Variants in JAKMIP2 observed in about 807,000 individuals in gnomAD.
The protein encoded by JAKMIP2 is janus kinase and microtubule interacting protein 2.
A neutral mutation model predicts 115.0 loss-of-function variants in JAKMIP2; 25 were observed. The ratio of observed to expected loss-of-function variants is 0.22; its 90% CI spans 0.16 to 0.30. The LOEUF (loss-of-function observed/expected upper bound fraction) is 0.30, where lower values mean the gene tolerates loss of function less well. Among genes scored for constraint, JAKMIP2 ranks in the 10% least tolerant of loss-of-function variants. The pLI, the probability that JAKMIP2 is intolerant of heterozygous loss-of-function variation, is 1.00. For missense variants in JAKMIP2, 642 were observed against 957.6 expected (o/e 0.67, Z 4.35); for synonymous variants, 334 against 343.6 (o/e 0.97, Z 0.31).
intron 2 of JAKMIP2, among the ~76,000 whole-genome samples, chr5:147,667,208 A>G (rs1759347157): frequency 6.6e-6 from 1 of 152,140 alleles, no homozygotes; most frequent in Admixed American, 6.5e-5. Context: ...AGCACTCGGT[A>G]GGGCTTTGAA....
intron 1 of JAKMIP2, among the ~76,000 whole-genome samples, chr5:147,741,043 A>G (rs2126994672): frequency 6.6e-6 from 1 of 152,300 alleles, no homozygotes; most frequent in South Asian, 2.1e-4. Flanking sequence ...GAAGCCGATC[A>G]GTACAGAGAT....
intron 1 of JAKMIP2, among the ~76,000 whole-genome samples, chr5:147,774,684 G>A (rs1027767524): frequency 1.3e-5 from 2 of 152,078 alleles, no homozygotes; most frequent in African/African-American, 2.4e-5. Flanking sequence ...TGATGACTAC[G>A]GAGTAAGAGC....
intron 1 of JAKMIP2, among the ~76,000 whole-genome samples, chr5:147,735,153 G>C (rs1268981386): frequency 2.0e-5 from 3 of 152,044 alleles, no homozygotes; most frequent in Non-Finnish European, 4.4e-5. Flanking sequence ...TTGAGTGTTA[G>C]CTTTACCAAC....
chr5:147,605,464 C>T (rs1755957428), intron 20 of JAKMIP2, among the ~76,000 whole-genome samples: 1 of 152,102 alleles, frequency 6.6e-6, no homozygotes, highest in East Asian at 1.9e-4. Flanking sequence ...CCACCTCGGC[C>T]TCCCAAAGTG....
intron 1 of JAKMIP2, among the ~76,000 whole-genome samples, chr5:147,762,823 A>C (rs921770186): frequency 6.6e-6 from 1 of 152,072 alleles, no homozygotes; most frequent in Non-Finnish European, 1.5e-5. Flanking sequence ...TTTTTATTCA[A>C]TTATTTCCCA....
intron 1 of JAKMIP2, among the ~76,000 whole-genome samples, chr5:147,730,085 A>C (rs942963543): frequency 4.6e-5 from 7 of 152,220 alleles, no homozygotes; most frequent in Non-Finnish European, 8.8e-5. Context: ...TGTTCCTGGC[A>C]CATAGAAAAT....
intron 1 of JAKMIP2, among the ~76,000 whole-genome samples, chr5:147,749,931 C>T (rs773094120): frequency 5.9e-5 from 9 of 152,120 alleles, no homozygotes; most frequent in Non-Finnish European, 1.0e-4. Context: ...CATTCCAAAC[C>T]AGTTTCCCCA....
At chr5:147,613,880 A>G (rs1012942625) in intron 19 of JAKMIP2, among the ~76,000 whole-genome samples, 1 of 152,212 alleles carries the variant, frequency 6.6e-6, no homozygotes, top group African/African-American at 2.4e-5. Context: ...AAATTATACC[A>G]TAATGAATGC....
chr5:147,607,647 G>T (rs1444896529), intron 20 of JAKMIP2, among the ~76,000 whole-genome samples: 1 of 152,160 alleles, frequency 6.6e-6, no homozygotes, highest in African/African-American at 2.4e-5. Context: ...TGTTGTTGTT[G>T]TGTCTCTGCC....
At chr5:147,779,928 C>G (rs536404713) in intron 1 of JAKMIP2, among the ~76,000 whole-genome samples, 2 of 152,132 alleles carry the variant, frequency 1.3e-5, no homozygotes, top group Non-Finnish European at 1.5e-5. Flanking sequence ...CTATGAGGAA[C>G]TTCTACATTT....
chr5:147,601,830 A>T lies in JAKMIP2; in HGVS notation c.2413-19T>A, dbSNP rs1362082262. 3 of 1,134,664 alleles carry T rather than the reference A, an allele frequency of 2.6e-6. No homozygotes were observed. The highest frequency in any genetic ancestry group is 3.8e-6 in the Non-Finnish European group (3 of 781,678). The allele number at this position is 1,134,664 out of a possible 1,614,324, so 70.3% of individuals were successfully genotyped here. A position where few individuals can be genotyped will look rare whatever the true frequency, so the allele number is the denominator to read the frequency against. ...ACAGAAACTGCAGAAGAAAAAGAAG[A>T]AGATTATGTAAATCTGAATTTCTGT... On this transcript the variant is annotated intron_variant, in intron 20 of 21. Coordinates refer to ENST00000616793, the MANE Select transcript of JAKMIP2 (RefSeq NM_001270941.2).
chr5:147,633,737 C>T (rs1230476052), intron 12 of JAKMIP2, among the ~76,000 whole-genome samples: 4 of 151,002 alleles, frequency 2.6e-5, no homozygotes, highest in South Asian at 2.1e-4. Flanking sequence ...CTCTTGTCCC[C>T]GAGGCTGGAG....
Position 147,646,962 on chromosome 5 carries a change from A to C in JAKMIP2, c.936+1414T>G, listed in dbSNP as rs983690574. Among the ~76,000 whole-genome samples, 27 of 152,062 alleles carry C rather than the reference A, an allele frequency of 1.8e-4. 1 individual carries two copies. The highest frequency in any genetic ancestry group is 3.9e-4 in the East Asian group (2 of 5,184). ...AAATCTTTTGGGAGAACAAGCAGAC[A>C]AAAATATCAGTAAGAATTGAAAAAT... On this transcript the variant is annotated intron_variant, in intron 5 of 21. Transcript: ENST00000616793.
rs147958237 is a variant in JAKMIP2, at chr5:147,776,848, A to C, written c.-149+5608T>G. On this transcript the variant is annotated intron_variant, in intron 1 of 21. Coordinates refer to ENST00000616793, the MANE Select transcript of JAKMIP2 (RefSeq NM_001270941.2). The stretch of plus-strand genomic sequence containing the variant: ...GAGACTAAGGCACAAGAATCACTTG[A>C]ATCCAGCAGGGGGAGGTTGCAGTGA... Among the ~76,000 whole-genome samples, 797 of 152,282 alleles carry C rather than the reference A, an allele frequency of 5.2e-3. 4 individuals carry two copies. The highest frequency in any genetic ancestry group is 0.018 in the African/African-American group (751 of 41,572).
intron 1 of JAKMIP2, among the ~76,000 whole-genome samples, chr5:147,778,478 T>C (rs1356356852): frequency 6.6e-6 from 1 of 152,076 alleles, no homozygotes; most frequent in Non-Finnish European, 1.5e-5. Flanking sequence ...TTCAAATTGG[T>C]AAGATAATTT....
intron 1 of JAKMIP2, among the ~76,000 whole-genome samples, chr5:147,709,089 G>A (rs1752684399): frequency 6.6e-6 from 1 of 152,148 alleles, no homozygotes; most frequent in Non-Finnish European, 1.5e-5. Flanking sequence ...ATAAATCAAG[G>A]AATTGAACTG....
chr5:147,640,837 A>C lies in JAKMIP2; in HGVS notation c.1282-14T>G. 1 of 1,608,888 alleles carries C rather than the reference A, an allele frequency of 6.2e-7. No homozygotes were observed. On this transcript the variant is annotated splice_polypyrimidine_tract_variant and intron_variant, in intron 8 of 21. Transcript: ENST00000616793. ...CAAAACAGGCCTCTAAATGGAGGGAAAGTACCTATTTACTGACATAGCTAA... is the reference window on the plus strand; with the variant it reads ...CAAAACAGGCCTCTAAATGGAGGGACAGTACCTATTTACTGACATAGCTAA...
At chr5:147,622,538 C>A (rs541899899) in intron 17 of JAKMIP2, among the ~76,000 whole-genome samples, 3 of 152,326 alleles carry the variant, frequency 2.0e-5, no homozygotes, top group Admixed American at 1.3e-4. Context: ...TTTCACTTAA[C>A]GTAGTGTCCT....
chr5:147,595,979 A>C (rs183943382), intron 21 of JAKMIP2, among the ~76,000 whole-genome samples: 2 of 152,302 alleles, frequency 1.3e-5, no homozygotes, highest in East Asian at 3.9e-4. Flanking sequence ...TGGGAATCAC[A>C]ACTGAACTGA....
Sources: allele counts gnomAD v4.1 joint callset (sites outside exome capture counted in the v4.1 genomes callset), GRCh38; gene constraint gnomAD v4.1.1; transcripts MANE v1.5; gene names NCBI Gene and HGNC (gene_info 2026-07-23, HGNC 2026-07-21).